The following TSNARE1 variants were observed in gnomAD, a reference collection of about 807,000 sequenced individuals.
TSNARE1 encodes the protein t-SNARE domain containing 1.
TSNARE1 carries 49 observed loss-of-function variants against 62.0 expected under a neutral mutation model. That is an observed-to-expected ratio of 0.79 (90% CI 0.63 to 1.00). The LOEUF is 1.00. Ranked by LOEUF, TSNARE1 falls within the 50% of genes least tolerant of loss-of-function variation. The pLI is 0.00. For synonymous variants in TSNARE1, 328 were observed against 294.4 expected (o/e 1.11, Z -1.17); for missense variants, 755 against 700.1 (o/e 1.08, Z -0.88).
At chr8:142,228,998 G>A (rs981123654) in intron 13 of TSNARE1, among the ~76,000 whole-genome samples, 4 of 152,010 alleles carry the variant, frequency 2.6e-5, no homozygotes, top group African/African-American at 9.7e-5. Flanking sequence ...ACAGATGGTG[G>A]ATAGATGGGT....
intron 12 of TSNARE1, 100 bp downstream of exon 12, chr8:142,274,659 TGGGCATGCCCCTCCCAGGCACA>T (rs1488993701): frequency 2.9e-6 from 4 of 1,369,086 alleles, no homozygotes; most frequent in Non-Finnish European, 3.8e-6. Flanking sequence ...AGGAGGCCTG[TGGGCATGCCCCTCCCAGGCACA>T]GGGCAGGGCC....
upstream of TSNARE1, chr8:142,403,276 G>GC (rs1023284886): frequency 6.6e-6 from 1 of 151,778 alleles, no homozygotes; most frequent in African/African-American, 2.4e-5. Context: ...CGCCCCAGAG[G>GC]CCCCGGCGCG....
chr8:142,255,893 CCACCACTGTCACCAT>C (rs1818471092), intron 12 of TSNARE1, among the ~76,000 whole-genome samples: 2 of 20,358 alleles, frequency 9.8e-5, no homozygotes, highest in Admixed American at 4.7e-4. Flanking sequence ...ACCACCACCA[CCACCACTGTCACCAT>C]CACCACCACC....
At chr8:142,356,997 A>G in intron 1 of TSNARE1, among the ~76,000 whole-genome samples, 1 of 151,892 alleles carries the variant, frequency 6.6e-6, no homozygotes, top group Non-Finnish European at 1.5e-5. Flanking sequence ...CAACATTGGG[A>G]GCAGCAGCAA....
chr8:142,294,290 T>C (rs1476817905), intron 10 of TSNARE1, among the ~76,000 whole-genome samples: 1 of 152,024 alleles, frequency 6.6e-6, no homozygotes, highest in Non-Finnish European at 1.5e-5. Flanking sequence ...ATCAATCACC[T>C]CGCTAACACC....
At chr8:142,374,371 CA>C (rs1836155118) in intron 1 of TSNARE1, among the ~76,000 whole-genome samples, 1 of 151,622 alleles carries the variant, frequency 6.6e-6, no homozygotes, top group African/African-American at 2.4e-5. Context: ...GGCTTCCAGG[CA>C]AATCACTTTA....
intron 1 of TSNARE1, among the ~76,000 whole-genome samples, chr8:142,374,253 C>T (rs1277970839): frequency 6.6e-6 from 1 of 151,048 alleles, no homozygotes; most frequent in African/African-American, 2.4e-5. Flanking sequence ...TGCAGTGAGC[C>T]GAGATTATGC....
intron 1 of TSNARE1, among the ~76,000 whole-genome samples, chr8:142,358,782 C>T (rs934569251): frequency 6.6e-6 from 1 of 151,376 alleles, no homozygotes; most frequent in Non-Finnish European, 1.5e-5. Context: ...TGGGTGCAAC[C>T]CCCCCATCGC....
chr8:142,253,522 C>G (rs62512628), intron 12 of TSNARE1, among the ~76,000 whole-genome samples: 1 of 33,976 alleles, frequency 2.9e-5, no homozygotes, highest in Admixed American at 3.4e-4. Flanking sequence ...CATAGACCCA[C>G]TGCAGTAGGG....
intron 4 of TSNARE1, among the ~76,000 whole-genome samples, chr8:142,335,105 C>T (rs117354484): frequency 2.6e-3 from 395 of 152,298 alleles, no homozygotes; most frequent in Non-Finnish European, 4.2e-3. Flanking sequence ...TTATAAATGA[C>T]GTGTGGTCCT....
chr8:142,324,647 G>A (rs746649841), intron 6 of TSNARE1, among the ~76,000 whole-genome samples: 3 of 152,350 alleles, frequency 2.0e-5, no homozygotes, highest in East Asian at 3.9e-4. Context: ...TTTTACAGAC[G>A]AAGACACAAG....
At chr8:142,294,211 A>T (rs1824289969) in intron 10 of TSNARE1, among the ~76,000 whole-genome samples, 1 of 152,174 alleles carries the variant, frequency 6.6e-6, no homozygotes, top group East Asian at 2.0e-4. Context: ...GAGACGCAGC[A>T]AAGGCCAAGA....
intron 12 of TSNARE1, among the ~76,000 whole-genome samples, chr8:142,231,917 G>A (rs964637596): frequency 3.3e-5 from 5 of 152,238 alleles, no homozygotes; most frequent in African/African-American, 1.2e-4. Context: ...CCATAAGAGT[G>A]CAAGGTGGAT....
chr8:142,276,313 C>G (rs952994536), intron 11 of TSNARE1: 1 of 985,324 alleles, frequency 1.0e-6, no homozygotes, highest in Non-Finnish European at 1.2e-6. Flanking sequence ...GGTCACGACC[C>G]TCTGAGCCAA....
chr8:142,337,197 AATCG>A (rs946130590), intron 4 of TSNARE1, among the ~76,000 whole-genome samples: 1 of 152,248 alleles, frequency 6.6e-6, no homozygotes, highest in African/African-American at 2.4e-5. Flanking sequence ...TAATAAAATC[AATCG>A]ATTTACATGG....
intron 9 of TSNARE1, among the ~76,000 whole-genome samples, chr8:142,308,135 T>A (rs887852643): frequency 6.6e-6 from 1 of 152,244 alleles, no homozygotes; most frequent in African/African-American, 2.4e-5. Flanking sequence ...ATATTAAGGA[T>A]GTAAGTCCTT....
intron 12 of TSNARE1, chr8:142,274,132 C>T: frequency 1.0e-6 from 1 of 985,458 alleles, no homozygotes; most frequent in Non-Finnish European, 1.2e-6. Flanking sequence ...GAGGAACAGG[C>T]TCTGGTCATC....
chr8:142,283,313 G>A (rs1473677411), intron 11 of TSNARE1, among the ~76,000 whole-genome samples: 1 of 150,704 alleles, frequency 6.6e-6, no homozygotes, highest in Non-Finnish European at 1.5e-5. Context: ...GGCGGGGCCA[G>A]TGTCTGCCAA....
chr8:142,325,031 G>A (rs1420243141), intron 6 of TSNARE1, among the ~76,000 whole-genome samples: 2 of 152,220 alleles, frequency 1.3e-5, no homozygotes, highest in East Asian at 1.9e-4. Flanking sequence ...TGTAGACCAC[G>A]GCCCAGTTTC....
Sources: allele counts gnomAD v4.1 joint callset (sites outside exome capture counted in the v4.1 genomes callset), GRCh38; gene constraint gnomAD v4.1.1; transcripts MANE v1.5; gene names NCBI Gene and HGNC (gene_info 2026-07-23, HGNC 2026-07-21).